The following C1orf146 variants were observed in gnomAD, a reference collection of about 807,000 sequenced individuals.
C1orf146 encodes protein SPO16 homolog.
Under a neutral mutation model 23.0 loss-of-function variants are expected in C1orf146, and 22 were observed. The ratio of observed to expected loss-of-function variants is 0.96; its 90% CI spans 0.68 to 1.36. C1orf146 has a LOEUF of 1.36. Among genes scored for constraint, C1orf146 ranks in the 40% most tolerant of loss-of-function variants. C1orf146 has a pLI of 0.00. For missense variants in C1orf146, 199 were observed against 206.8 expected, an observed-to-expected ratio of 0.96 and a Z score of 0.23; for synonymous variants, 59 against 65.3, an observed-to-expected ratio of 0.90 and a Z score of 0.47.
intron 2 of C1orf146, among the ~76,000 whole-genome samples, chr1:92,235,255 A>G (rs1289719712): frequency 6.6e-6 from 1 of 152,140 alleles, no homozygotes; most frequent in Non-Finnish European, 1.5e-5. Context: ...TTAGTGCTAT[A>G]AATTTCCCTC....
intron 2 of C1orf146, among the ~76,000 whole-genome samples, chr1:92,239,136 A>C (rs1055511390): frequency 6.6e-6 from 1 of 152,162 alleles, no homozygotes; most frequent in East Asian, 1.9e-4. Flanking sequence ...TTCTTTGCCA[A>C]AATTCTCAAG....
At chr1:92,224,738 G>A (rs1651923548) in intron 1 of C1orf146, among the ~76,000 whole-genome samples, 1 of 151,650 alleles carries the variant, frequency 6.6e-6, no homozygotes, top group East Asian at 1.9e-4. Context: ...TTTTCCCATT[G>A]CTTTGGGTTT....
intron 2 of C1orf146, among the ~76,000 whole-genome samples, chr1:92,233,458 C>T (rs567115170): frequency 9.2e-5 from 14 of 152,132 alleles, no homozygotes; most frequent in East Asian, 1.9e-4. Flanking sequence ...TGTTCTGTTC[C>T]GTTGATCTAT....
chr1:92,233,955 G>C (rs913555076), intron 2 of C1orf146, among the ~76,000 whole-genome samples: 12 of 152,264 alleles, frequency 7.9e-5, no homozygotes, highest in African/African-American at 2.9e-4. Context: ...TTTGTACATT[G>C]ATTTTGTATC....
chr1:92,238,604 A>AT (rs151261002), intron 2 of C1orf146, among the ~76,000 whole-genome samples: 65 of 149,018 alleles, frequency 4.4e-4, no homozygotes, highest in Non-Finnish European at 6.0e-4. Flanking sequence ...TAATTTTACC[A>AT]TTTTTTTTTT....
At chr1:92,233,293 G>A (rs1402257942) in intron 2 of C1orf146, among the ~76,000 whole-genome samples, 1 of 151,514 alleles carries the variant, frequency 6.6e-6, no homozygotes, top group Non-Finnish European at 1.5e-5. Context: ...TGTATAAGGT[G>A]TAAGGAAGGG....
chr1:92,218,280 G>A (rs1204094775), intron 1 of C1orf146, among the ~76,000 whole-genome samples: 1 of 152,106 alleles, frequency 6.6e-6, no homozygotes, highest in Admixed American at 6.5e-5. Context: ...CCACCTGCGA[G>A]TGTAAATTTT....
Position 92,221,025 on chromosome 1 carries a change from T to C in C1orf146, c.-40+2977T>C, listed in dbSNP as rs539804695. Among the ~76,000 whole-genome samples, 21 of 152,302 alleles carry C rather than the reference T, an allele frequency of 1.4e-4. 1 individual carries two copies. The South Asian group carries it at 4.1e-3, about 30-fold the overall frequency. On this transcript the variant is annotated intron_variant, in intron 1 of 5. Coordinates refer to ENST00000370375, the MANE Select transcript of C1orf146 (RefSeq NM_001012425.2). Reference sequence around the variant, plus strand: ...TAGCCTGTTACTGTTTTATAGATGCTTGCAGAATATATAAGATGCCTCAGA... The same window carrying C: ...TAGCCTGTTACTGTTTTATAGATGCCTGCAGAATATATAAGATGCCTCAGA...
At chr1:92,218,216 A>G (rs1651725075) in intron 1 of C1orf146, among the ~76,000 whole-genome samples, 168 bp downstream of exon 1, 1 of 152,032 alleles carries the variant, frequency 6.6e-6, no homozygotes, top group Admixed American at 6.5e-5. Flanking sequence ...TTTCCCCTTG[A>G]GAATCGGTGT....
intron 3 of C1orf146, among the ~76,000 whole-genome samples, chr1:92,243,687 T>C (rs866656214): frequency 2.0e-5 from 3 of 152,300 alleles, no homozygotes; most frequent in South Asian, 4.1e-4. Flanking sequence ...GATTTCCAGC[T>C]TTTAAAAATA....
At chr1:92,218,379 G>A (rs1165802058) in intron 1 of C1orf146, among the ~76,000 whole-genome samples, 3 of 152,062 alleles carry the variant, frequency 2.0e-5, no homozygotes, top group Non-Finnish European at 1.5e-5. Flanking sequence ...CACTGGACCC[G>A]TGAGGAGACT....
intron 1 of C1orf146, among the ~76,000 whole-genome samples, chr1:92,225,832 C>T (rs1651952215): frequency 6.6e-6 from 1 of 152,054 alleles, no homozygotes; most frequent in African/African-American, 2.4e-5. Flanking sequence ...AGTATAGCCA[C>T]TCCAGCTCTC....
intron 2 of C1orf146, among the ~76,000 whole-genome samples, chr1:92,236,791 G>T (rs899253804): frequency 6.6e-6 from 1 of 152,138 alleles, no homozygotes; most frequent in African/African-American, 2.4e-5. Context: ...CATATTTCTT[G>T]CTGGATTTGT....
chr1:92,225,084 A>G (rs914918169), intron 1 of C1orf146, among the ~76,000 whole-genome samples: 5 of 146,456 alleles, frequency 3.4e-5, no homozygotes, highest in Non-Finnish European at 6.0e-5. Flanking sequence ...TTAATTTGAC[A>G]TCATTCTTCT....
intron 2 of C1orf146, chr1:92,241,015 A>C (rs2100747961): frequency 2.4e-6 from 1 of 418,014 alleles, no homozygotes; most frequent in Middle Eastern, 4.4e-4. Context: ...ACATTTTAAA[A>C]GTATACTAAA....
At chr1:92,233,172 G>A (rs984814514) in intron 2 of C1orf146, among the ~76,000 whole-genome samples, 1 of 152,164 alleles carries the variant, frequency 6.6e-6, no homozygotes, top group Non-Finnish European at 1.5e-5. Flanking sequence ...TTGTAGACGT[G>A]AAGTCCTTGC....
At position 92,244,251 on chromosome 1, in the gene C1orf146, T is replaced by C; in HGVS notation, c.195T>C (p.Cys65=). The change falls in exon 4 of 6, where the codon TGT becomes TGC. Residue 65 remains cysteine, a synonymous_variant. Coordinates refer to ENST00000370375, the MANE Select transcript of C1orf146 (RefSeq NM_001012425.2). ...TTTTATTAATGGATACTAAGGAATG[T>C]CTTCTGTCAACTGAAGAAATATTTC... ...VAFLLMDTKE[C]LLSTEEIFLA... The C allele has an allele frequency of 6.2e-7, 1 of 1,602,506 alleles. No individual in the cohort carries two copies. Among genetic ancestry groups the C allele is most frequent in the Non-Finnish European group, 8.5e-7 (1 of 1,172,018 alleles).
chr1:92,219,306 GA>G (rs1225974287), intron 1 of C1orf146, among the ~76,000 whole-genome samples: 1 of 152,054 alleles, frequency 6.6e-6, no homozygotes, highest in East Asian at 1.9e-4. Context: ...AACAGAATCA[GA>G]ATGTGTCCCT....
chr1:92,231,573 C>A, intron 2 of C1orf146, 87 bp downstream of exon 2: 2 of 783,712 alleles, frequency 2.6e-6, no homozygotes, highest in Non-Finnish European at 4.0e-6. Flanking sequence ...AGGTTCTTAG[C>A]TTAATTATCC....
Sources: gnomAD v4.1 joint callset for allele counts (sites outside exome capture counted in the v4.1 genomes callset) on GRCh38, gnomAD v4.1.1 for gene constraint, MANE v1.5 for transcripts, NCBI Gene and HGNC (gene_info 2026-07-23, HGNC 2026-07-21) for gene names.